The following MICAL3 variants were observed in gnomAD, a reference collection of about 807,000 sequenced individuals.
MICAL3 encodes microtubule associated monooxygenase, calponin and LIM domain containing 3, also known as [F-actin]-monooxygenase MICAL3.
Under a neutral mutation model 207.4 loss-of-function variants are expected in MICAL3, and 62 were observed. The ratio of observed to expected loss-of-function variants is 0.30; its 90% CI spans 0.24 to 0.37. The LOEUF is 0.37. Ranked by LOEUF, MICAL3 falls within the 10% of genes least tolerant of loss-of-function variation. The pLI is 1.00. For synonymous variants in MICAL3, 1,077 were observed against 1,069.3 expected, an observed-to-expected ratio of 1.01 and a Z score of -0.14; for missense variants, 2,368 against 2,635.6, an observed-to-expected ratio of 0.90 and a Z score of 2.22.
chr22:17,950,680 C>A (rs1157486925), intron 1 of MICAL3, among the ~76,000 whole-genome samples: 1 of 152,162 alleles, frequency 6.6e-6, no homozygotes, highest in African/African-American at 2.4e-5. Flanking sequence ...TAAACTGCAC[C>A]ACTCGGTTGC....
Position 17,895,295 on chromosome 22 carries a change from G to A in MICAL3, c.1438C>T (p.Arg480Trp), listed in dbSNP as rs772325583. 1.4e-5 allele frequency: 22 copies of A among 1,613,388 alleles called. No homozygotes were observed. Among genetic ancestry groups the A allele is most frequent in the South Asian group, 3.3e-5 (3 of 90,924 alleles). The change falls in exon 10 of 32, where the codon CGG becomes TGG. Residue 480 changes from arginine to tryptophan, a missense_variant. Arg to Trp is a moderately radical substitution (Grantham distance 101, BLOSUM62 -3). Coordinates refer to ENST00000441493, the MANE Select transcript of MICAL3 (RefSeq NM_015241.3). ...RYPNINVNFL[R>W]PSQVRHLYDT... ...CAAGAAGGTCTTACCTGGCTTGGCC[G>A]GAGGAAGTTGACGTTGATATTGGGA...
intron 1 of MICAL3, among the ~76,000 whole-genome samples, chr22:17,918,361 A>G (rs1198647267): frequency 6.6e-6 from 1 of 152,190 alleles, no homozygotes; most frequent in Non-Finnish European, 1.5e-5. Flanking sequence ...TTTCAACATT[A>G]ATTCACTTTA....
At chr22:17,825,031 A>G (rs1286795738) in intron 22 of MICAL3, among the ~76,000 whole-genome samples, 1 of 152,122 alleles carries the variant, frequency 6.6e-6, no homozygotes, top group Non-Finnish European at 1.5e-5. Flanking sequence ...TGGCAACTCT[A>G]CACTCTTGCT....
intron 29 of MICAL3, among the ~76,000 whole-genome samples, chr22:17,799,378 CCT>C: frequency 6.6e-6 from 1 of 152,252 alleles, no homozygotes; most frequent in East Asian, 1.9e-4. Flanking sequence ...AGAGCCAGAC[CCT>C]GTCTCAAAAA....
At chr22:17,881,476 C>T (rs756872982) in intron 16 of MICAL3, among the ~76,000 whole-genome samples, 31 of 152,174 alleles carry the variant, frequency 2.0e-4, no homozygotes, top group Admixed American at 9.2e-4. Flanking sequence ...CCAGGTGGGA[C>T]GTGCACCTTC....
Position 17,860,205 on chromosome 22 carries a change from T to TA in MICAL3, c.2605+4693dup, listed in dbSNP as rs954223074. 4.7e-3 allele frequency: 4,382 copies of TA among 928,802 alleles called. 58 individuals carry two copies. The highest frequency in any genetic ancestry group is 0.044 in the African/African-American group (2,461 of 55,636). 57.5% of individuals were successfully genotyped at this position (928,802 alleles called of 1,614,324 possible). A position where few individuals can be genotyped will look rare whatever the true frequency, so the allele number is the denominator to read the frequency against. On this transcript the variant is annotated intron_variant, in intron 19 of 31. Coordinates refer to ENST00000441493, the MANE Select transcript of MICAL3 (RefSeq NM_015241.3). ...TCTTAAATAAGAATGTAACATTTGT[T>TA]AAAAAAAAAATTAAAAGCACGACAA...
At chr22:17,968,477 T>C (rs865990139) in intron 1 of MICAL3, among the ~76,000 whole-genome samples, 2 of 152,170 alleles carry the variant, frequency 1.3e-5, no homozygotes, top group Admixed American at 1.3e-4. Flanking sequence ...CACCAGACCC[T>C]GGCTCGGGCA....
rs1479134634 is a variant in MICAL3 at position 17,888,923 on chromosome 22, G to C, written c.1891+111C>G. Reference sequence around the variant, plus strand: ...CTGACAGCTAACTGGTAAAAACACAGAGTAACTTTGTGTTTGGTGGCACTG... The same window carrying C: ...CTGACAGCTAACTGGTAAAAACACACAGTAACTTTGTGTTTGGTGGCACTG... On this transcript the variant is annotated intron_variant, in intron 13 of 31. Coordinates refer to ENST00000441493, the MANE Select transcript of MICAL3 (RefSeq NM_015241.3). 4.4e-6 allele frequency: 3 copies of C among 679,436 alleles called. No homozygotes were observed. The African/African-American group carries it at 5.5e-5, about 12-fold the overall frequency. 42.1% of individuals were successfully genotyped at this position (679,436 alleles called of 1,614,324 possible).
chr22:17,918,142 T>A (rs1932651484), intron 1 of MICAL3, among the ~76,000 whole-genome samples: 1 of 152,218 alleles, frequency 6.6e-6, no homozygotes, highest in Non-Finnish European at 1.5e-5. Context: ...TACAAGGCCC[T>A]ATAAACGTGT....
chr22:17,856,019 AC>A (rs1925846651), intron 19 of MICAL3, among the ~76,000 whole-genome samples: 1 of 152,238 alleles, frequency 6.6e-6, no homozygotes, highest in Non-Finnish European at 1.5e-5. Context: ...CCCATGTGCA[AC>A]ATGGGGCCTG....
chr22:17,913,881 A>C (rs1932300861), intron 1 of MICAL3, among the ~76,000 whole-genome samples: 1 of 152,110 alleles, frequency 6.6e-6, no homozygotes, highest in African/African-American at 2.4e-5. Context: ...AATAAACACA[A>C]TCACTGATGA....
chr22:17,918,625 A>G (rs572636621), intron 1 of MICAL3, among the ~76,000 whole-genome samples: 1 of 151,790 alleles, frequency 6.6e-6, no homozygotes, highest in South Asian at 2.1e-4. Flanking sequence ...TTCTGACCTC[A>G]TGGAGCGCCC....
intron 16 of MICAL3, among the ~76,000 whole-genome samples, chr22:17,877,567 GGGAGGTTAGGGAAGTTATGGAGGTT>G (rs1928961703): frequency 1.5e-5 from 2 of 131,586 alleles, no homozygotes; most frequent in Admixed American, 1.6e-4. Flanking sequence ...ATGGAGGTTA[GGGAGGTTAGGGAAGTTATGGAGGTT>G]AGGGAGGTTA....
chr22:17,981,828 C>G (rs1935920738), intron 1 of MICAL3, among the ~76,000 whole-genome samples: 2 of 152,132 alleles, frequency 1.3e-5, no homozygotes, highest in Non-Finnish European at 2.9e-5. Flanking sequence ...AACCAACTTG[C>G]AAAATTCCTT....
chr22:17,958,331 T>C (rs1934729333), intron 1 of MICAL3, among the ~76,000 whole-genome samples: 2 of 152,102 alleles, frequency 1.3e-5, no homozygotes, highest in Admixed American at 1.3e-4. Flanking sequence ...CTAAAAACCG[T>C]CAGAGAGACT....
In MICAL3 at chr22:17,793,018, G is replaced by A. The variant is rs1274099463; in HGVS notation, c.5651-1717C>T. On this transcript the variant is annotated intron_variant, in intron 29 of 31. Transcript: ENST00000441493. The surrounding 1 kb of genome is among the most constrained non-coding windows in gnomAD (Gnocchi z 4.1). The stretch of plus-strand genomic sequence containing the variant: ...ACGGCGGCACCAGGGAGTCTCTCCC[G>A]CTGCCCACCTCCCCACGAAGATACA... Among the ~76,000 whole-genome samples, 2 of 152,040 alleles carry A rather than the reference G, an allele frequency of 1.3e-5. No homozygotes were observed. Among genetic ancestry groups the A allele is most frequent in the African/African-American group, 2.4e-5 (1 of 41,390 alleles).
chr22:17,862,180 G>GTA (rs1926585680), intron 19 of MICAL3: 1 of 985,106 alleles, frequency 1.0e-6, no homozygotes, highest in Admixed American at 6.2e-5. Flanking sequence ...CAGTAGAGGC[G>GTA]GTTACCATGG....
At chr22:17,988,506 G>A (rs1459575800) in intron 1 of MICAL3, among the ~76,000 whole-genome samples, 1 of 152,214 alleles carries the variant, frequency 6.6e-6, no homozygotes, top group African/African-American at 2.4e-5. Flanking sequence ...CCAGGCTGGA[G>A]TGCAGTGACG....
In MICAL3 at chr22:17,819,127, C is replaced by G. The variant is rs372839851; in HGVS notation, c.3534G>C (p.Gly1178=). ...FIPVHSPSTE[G]PQLPPVPAAT... is the part of the protein sequence containing the mutation. ...CGGCAGGGACAGGTGGGAGTTGGGG[C>G]CCCTACAGGGAAGGAAGACAGAAGC... is the stretch of plus-strand genomic sequence containing the variant. The change falls in exon 26 of 32, where the codon GGG becomes GGC. Residue 1178 remains glycine, a splice_region_variant and synonymous_variant. Transcript: ENST00000441493. 1.4e-6 allele frequency: 2 copies of G among 1,478,462 alleles called. No homozygotes were observed. Among genetic ancestry groups the G allele is most frequent in the Admixed American group, 4.6e-5 (2 of 43,100 alleles). The allele number at this position is 1,478,462 out of a possible 1,614,324, so 91.6% of individuals were successfully genotyped here.
Sources: allele counts gnomAD v4.1 joint callset (sites outside exome capture counted in the v4.1 genomes callset), GRCh38; gene constraint gnomAD v4.1.1; non-coding constraint Gnocchi (gnomAD v3.1); transcripts MANE v1.5; gene names NCBI Gene and HGNC (gene_info 2026-07-23, HGNC 2026-07-21).